The following BST1 variants were observed in gnomAD, a reference collection of about 807,000 sequenced individuals.
BST1 encodes the protein ADP-ribosyl cyclase/cyclic ADP-ribose hydrolase 2.
A neutral mutation model predicts 40.6 loss-of-function variants in BST1; 49 were observed. The observed-to-expected ratio is 1.21, with a 90% CI of 0.96 to 1.53. The LOEUF (loss-of-function observed/expected upper bound fraction) is 1.53, where lower values mean the gene tolerates loss of function less well. Among genes scored for constraint, BST1 ranks in the 40% most tolerant of loss-of-function variants. The pLI is 0.00. For missense variants in BST1, 423 were observed against 395.9 expected (o/e 1.07, Z -0.58); for synonymous variants, 157 against 159.3 (o/e 0.99, Z 0.11).
chr4:15,729,598 T>C (rs1032048996), intron 8 of BST1, among the ~76,000 whole-genome samples: 6 of 152,278 alleles, frequency 3.9e-5, no homozygotes, highest in African/African-American at 1.4e-4. Flanking sequence ...GATTTATAAA[T>C]TAAATAAAAG....
chr4:15,727,938 G>T (rs1277021153), intron 8 of BST1, among the ~76,000 whole-genome samples: 2 of 151,366 alleles, frequency 1.3e-5, no homozygotes, highest in African/African-American at 4.9e-5. Context: ...TAAAGACAAT[G>T]GTAGGATAAT....
chr4:15,750,062 T>C, the BST1 span, among the ~76,000 whole-genome samples: 1 of 152,086 alleles, frequency 6.6e-6, no homozygotes, highest in Non-Finnish European at 1.5e-5. Flanking sequence ...TTGATTTTTA[T>C]TTTATTTTAT....
the BST1 span, among the ~76,000 whole-genome samples, chr4:15,764,116 G>GA: frequency 6.6e-6 from 1 of 152,044 alleles, no homozygotes; most frequent in Non-Finnish European, 1.5e-5. Flanking sequence ...CTCTGGGTGG[G>GA]ATGTTGATAG....
the BST1 span, among the ~76,000 whole-genome samples, chr4:15,764,427 C>T: frequency 7.2e-5 from 11 of 152,038 alleles, no homozygotes; most frequent in African/African-American, 2.4e-4. Flanking sequence ...TGACCTTCAG[C>T]CTCTTTGTGT....
chr4:15,709,019 C>G (rs1004799002), intron 3 of BST1, among the ~76,000 whole-genome samples: 5 of 152,094 alleles, frequency 3.3e-5, no homozygotes, highest in African/African-American at 1.2e-4. Flanking sequence ...GAGAATAAAA[C>G]ATGAAATTAA....
Position 15,708,099 on chromosome 4 carries a change from A to G in BST1, c.451+453A>G, listed in dbSNP as rs12639751. Among the ~76,000 whole-genome samples the G allele has an allele frequency of 5.9e-4, 90 of 152,058 alleles. 2 individuals are homozygous for G. The East Asian group carries it at 0.011, about 19-fold the overall frequency. On this transcript the variant is annotated intron_variant, in intron 3 of 8. Transcript: ENST00000265016. ...GAGCCCATTTTCTCAACTTTGCACA[A>G]CTCTGCCTTACTATCCTCATTTGTC...
the BST1 span, among the ~76,000 whole-genome samples, chr4:15,766,147 T>A: frequency 6.6e-6 from 1 of 151,972 alleles, no homozygotes; most frequent in Non-Finnish European, 1.5e-5. Context: ...CATCCTTCTA[T>A]AATCTAGTTG....
intron 6 of BST1, among the ~76,000 whole-genome samples, chr4:15,717,018 C>A (rs928678861): frequency 5.9e-5 from 9 of 152,042 alleles, no homozygotes; most frequent in African/African-American, 1.9e-4. Flanking sequence ...CTCAGGTGAT[C>A]CACCTGAGGC....
chr4:15,752,546 G>C, the BST1 span, among the ~76,000 whole-genome samples: 1 of 152,008 alleles, frequency 6.6e-6, no homozygotes, highest in African/African-American at 2.4e-5. Flanking sequence ...GTGCCACCAT[G>C]CAGAGCTAAT....
the BST1 span, among the ~76,000 whole-genome samples, chr4:15,757,967 A>C: frequency 6.6e-6 from 1 of 152,110 alleles, no homozygotes; most frequent in Non-Finnish European, 1.5e-5. Flanking sequence ...TTAAATGTCT[A>C]ATGTTTTAAA....
chr4:15,718,203 T>C (rs1720613638), intron 6 of BST1, among the ~76,000 whole-genome samples: 2 of 151,998 alleles, frequency 1.3e-5, no homozygotes, highest in Non-Finnish European at 1.5e-5. Context: ...GGTCTGTTTA[T>C]GTAAGGGAGG....
chr4:15,730,913 GC>G, intron 8 of BST1: 1 of 257,256 alleles, frequency 3.9e-6, no homozygotes, highest in Non-Finnish European at 7.2e-6. Context: ...TGCACAATTT[GC>G]TTTTTTTTTT....
At chr4:15,724,337 G>A (rs992695046) in intron 8 of BST1, among the ~76,000 whole-genome samples, 6 of 152,190 alleles carry the variant, frequency 3.9e-5, no homozygotes, top group African/African-American at 1.4e-4. Flanking sequence ...CTATATGCTA[G>A]GCATTTGCTG....
downstream of BST1, among the ~76,000 whole-genome samples, chr4:15,733,328 T>C (rs1446726732): frequency 1.3e-5 from 2 of 152,086 alleles, 1 homozygote; most frequent in East Asian, 3.9e-4. Flanking sequence ...TTTTACAGAG[T>C]GCTGACTGGT....
At chr4:15,748,161 C>G in the BST1 span, among the ~76,000 whole-genome samples, 1 of 152,182 alleles carries the variant, frequency 6.6e-6, no homozygotes, top group Non-Finnish European at 1.5e-5. Context: ...CATTATCAGT[C>G]CAACACCATT....
intron 8 of BST1, 113 bp downstream of exon 8, chr4:15,723,047 T>C (rs1720901994): frequency 5.1e-6 from 5 of 985,554 alleles, no homozygotes; most frequent in Admixed American, 2.0e-5. Context: ...AGTGTGCTCA[T>C]TGGATTCTGG....
intron 2 of BST1, among the ~76,000 whole-genome samples, chr4:15,706,690 T>C (rs1719895512): frequency 6.6e-6 from 1 of 152,232 alleles, no homozygotes; most frequent in Non-Finnish European, 1.5e-5. Flanking sequence ...AAAGATAGAA[T>C]AGACTGAAAA....
At chr4:15,740,586 C>G (rs926829299), downstream of BST1, among the ~76,000 whole-genome samples, 64 of 152,120 alleles carry the variant, frequency 4.2e-4, no homozygotes, top group African/African-American at 1.5e-3. Context: ...CTAATCTATA[C>G]AAAGGTTTAT....
chr4:15,711,199 A>G (rs1000809838), intron 3 of BST1, among the ~76,000 whole-genome samples: 1 of 152,170 alleles, frequency 6.6e-6, no homozygotes, highest in Non-Finnish European at 1.5e-5. Context: ...CAACTTGTAG[A>G]TTAGAAATTT....
Sources: allele counts gnomAD v4.1 joint callset (sites outside exome capture counted in the v4.1 genomes callset), GRCh38; gene constraint gnomAD v4.1.1; transcripts MANE v1.5; gene names NCBI Gene and HGNC (gene_info 2026-07-23, HGNC 2026-07-21).